Variants in NDUFA12 observed in about 807,000 individuals in gnomAD.
The protein encoded by NDUFA12 is NADH:ubiquinone oxidoreductase subunit A12.
NDUFA12 carries 17 observed loss-of-function variants against 20.3 expected under a neutral mutation model. That is an observed-to-expected ratio of 0.84 (90% CI 0.57 to 1.26). The LOEUF is 1.26. NDUFA12 is among the 50% of genes most tolerant of loss of function. The pLI is 0.00. For missense variants in NDUFA12, 191 were observed against 183.7 expected (o/e 1.04, Z -0.23); for synonymous variants, 72 against 63.6 (o/e 1.13, Z -0.63).
chr12:94,978,851 C>T (rs1592698854), intron 3 of NDUFA12, among the ~76,000 whole-genome samples: 2 of 152,226 alleles, frequency 1.3e-5, no homozygotes, highest in East Asian at 3.9e-4. Flanking sequence ...AATTGCCCAA[C>T]AATCCTTTCT....
At chr12:94,993,562 T>C (rs1469025107) in intron 3 of NDUFA12, among the ~76,000 whole-genome samples, 1 of 126,920 alleles carries the variant, frequency 7.9e-6, no homozygotes, top group Non-Finnish European at 1.6e-5. Context: ...CAGTCAGAGG[T>C]TGCAGTGAGC....
At chr12:94,976,436 G>T (rs1005144356) in intron 3 of NDUFA12, among the ~76,000 whole-genome samples, 1 of 152,172 alleles carries the variant, frequency 6.6e-6, no homozygotes, top group Non-Finnish European at 1.5e-5. Flanking sequence ...ATCCACAAAT[G>T]ATCATTTGTG....
chr12:94,982,730 C>G (rs1041063504), intron 3 of NDUFA12, among the ~76,000 whole-genome samples: 1 of 152,112 alleles, frequency 6.6e-6, no homozygotes, highest in African/African-American at 2.4e-5. Context: ...GATTCCCTTT[C>G]CCACAGGGTC....
chr12:94,974,763 T>C (rs1004581421), intron 3 of NDUFA12, among the ~76,000 whole-genome samples: 1 of 152,142 alleles, frequency 6.6e-6, no homozygotes, highest in African/African-American at 2.4e-5. Context: ...AAACATTGCA[T>C]GTTCTCATTT....
intron 2 of NDUFA12, among the ~76,000 whole-genome samples, chr12:94,999,526 CAGAGT>C (rs1395204195): frequency 6.6e-6 from 1 of 152,100 alleles, no homozygotes; most frequent in African/African-American, 2.4e-5. Flanking sequence ...AAATAATCAG[CAGAGT>C]AAACAGACAA....
At chr12:94,978,423 G>C (rs1874128622) in intron 3 of NDUFA12, among the ~76,000 whole-genome samples, 1 of 152,196 alleles carries the variant, frequency 6.6e-6, no homozygotes, top group South Asian at 2.1e-4. Flanking sequence ...CTGGACATTA[G>C]AGAATTAGAC....
chr12:94,976,121 T>A (rs960330863), intron 3 of NDUFA12, among the ~76,000 whole-genome samples: 14 of 152,226 alleles, frequency 9.2e-5, no homozygotes, highest in Admixed American at 9.2e-4. Context: ...TTGCCTAATT[T>A]ATTTAATACT....
chr12:95,002,494 G>T (rs1431043662), intron 2 of NDUFA12, among the ~76,000 whole-genome samples: 1 of 147,896 alleles, frequency 6.8e-6, no homozygotes, highest in South Asian at 2.2e-4. Context: ...TTTGATAGGT[G>T]AAAAATATAT....
At chr12:94,975,657 C>T (rs1874042849) in intron 3 of NDUFA12, among the ~76,000 whole-genome samples, 1 of 151,986 alleles carries the variant, frequency 6.6e-6, no homozygotes, top group Non-Finnish European at 1.5e-5. Flanking sequence ...TTATTTATAA[C>T]AGTGAAAGAA....
chr12:94,988,090 T>C (rs1874514123), intron 3 of NDUFA12, among the ~76,000 whole-genome samples: 1 of 152,192 alleles, frequency 6.6e-6, no homozygotes, highest in African/African-American at 2.4e-5. Context: ...ATTCAGTATC[T>C]AAGTGTTCAA....
intron 2 of NDUFA12, among the ~76,000 whole-genome samples, chr12:95,002,002 C>CTGT (rs1875056632): frequency 6.6e-6 from 1 of 151,498 alleles, no homozygotes; most frequent in Admixed American, 6.6e-5. Context: ...CGCGCCCAGC[C>CTGT]GAATTAATTG....
intron 2 of NDUFA12, among the ~76,000 whole-genome samples, chr12:94,994,854 AT>A (rs912601688): frequency 4.6e-5 from 7 of 152,138 alleles, no homozygotes; most frequent in Non-Finnish European, 1.0e-4. Flanking sequence ...ACCACTACTT[AT>A]TTACACAATT....
chr12:94,974,223 C>T (rs1035016087), intron 3 of NDUFA12, among the ~76,000 whole-genome samples: 31 of 152,068 alleles, frequency 2.0e-4, no homozygotes, highest in African/African-American at 5.3e-4. Flanking sequence ...TTGCCCGCCT[C>T]GGCCTCCCAA....
At chr12:94,987,491 T>C (rs764138228) in intron 3 of NDUFA12, among the ~76,000 whole-genome samples, 16 of 151,950 alleles carry the variant, frequency 1.1e-4, no homozygotes, top group Non-Finnish European at 1.8e-4. Context: ...CTATGCTGAG[T>C]TAAAGGCACT....
intron 3 of NDUFA12, among the ~76,000 whole-genome samples, chr12:94,976,273 A>G (rs2136059008): frequency 6.6e-6 from 1 of 152,216 alleles, no homozygotes; most frequent in East Asian, 1.9e-4. Flanking sequence ...AGTTAAAATA[A>G]CTTGCAAACC....
At chr12:94,974,961 T>A (rs1592697588) in intron 3 of NDUFA12, among the ~76,000 whole-genome samples, 1 of 152,228 alleles carries the variant, frequency 6.6e-6, no homozygotes, top group East Asian at 1.9e-4. Context: ...CACAACACAG[T>A]GACTATAGTC....
At position 94,984,736 on chromosome 12, in the gene NDUFA12, A is replaced by AAAAAAC. The variant is rs36013656; in HGVS notation, c.257+9433_257+9434insGTTTTT. Among the ~76,000 whole-genome samples, 115 of 74,144 alleles carry AAAAAAC rather than the reference A, an allele frequency of 1.6e-3. 16 individuals are homozygous for AAAAAAC. The highest frequency in any genetic ancestry group is 3.1e-3 in the African/African-American group (56 of 18,332). The allele number at this position is 74,144 out of a possible 152,430, so 48.6% of individuals were successfully genotyped here. A position where few individuals can be genotyped will look rare whatever the true frequency, so the allele number is the denominator to read the frequency against. On this transcript the variant is annotated intron_variant, in intron 3 of 3. Transcript: ENST00000327772. ...AGCCAAAAAAAAAAAACAACAAAAA[A>AAAAAAC]CCCATATATATATAATATATATATA...
chr12:94,986,984 T>C (rs1043000498), intron 3 of NDUFA12, among the ~76,000 whole-genome samples: 2 of 152,134 alleles, frequency 1.3e-5, no homozygotes, highest in Non-Finnish European at 2.9e-5. Flanking sequence ...AATTAAAGCT[T>C]TGATGAGTAA....
rs772816626 is a variant in NDUFA12, at chr12:95,003,639, G to C, written c.42C>G (p.Ile14Met). Reference protein sequence around the residue: ...VQVLKRGLQQITGHGGLRGYL... With the variant: ...VQVLKRGLQQMTGHGGLRGYL... The stretch of plus-strand genomic sequence containing the variant: ...AGCCTCGGAGACCGCCGTGGCCGGT[G>C]ATCTGCTGCAGCCCGCGTTTCAGGA... Residue 14 changes from isoleucine to methionine, a missense_variant, in exon 1 of 4, where the codon ATC (isoleucine) becomes ATG (methionine). Coordinates refer to ENST00000327772, the MANE Select transcript of NDUFA12 (RefSeq NM_018838.5). 6.2e-7 allele frequency: 1 copy of C among 1,614,178 alleles called. No individual in the cohort carries two copies. Among genetic ancestry groups the C allele is most frequent in the Non-Finnish European group, 8.5e-7 (1 of 1,180,030 alleles).
Sources: allele counts gnomAD v4.1 joint callset (sites outside exome capture counted in the v4.1 genomes callset), GRCh38; gene constraint gnomAD v4.1.1; transcripts MANE v1.5; gene names NCBI Gene and HGNC (gene_info 2026-07-23, HGNC 2026-07-21).